Variants in HPSE2 observed in about 807,000 individuals in gnomAD.
HPSE2 encodes heparanase 2 (inactive), also known as inactive heparanase-2.
HPSE2 carries 38 observed loss-of-function variants against 60.5 expected under a neutral mutation model. That is an observed-to-expected ratio of 0.63 (90% CI 0.48 to 0.82). HPSE2 has a LOEUF of 0.82. HPSE2 is among the 40% of genes least tolerant of loss of function. The pLI, the probability that HPSE2 is intolerant of heterozygous loss-of-function variation, is 0.00. For missense variants in HPSE2, 713 were observed against 740.4 expected (o/e 0.96, Z 0.43); for synonymous variants, 295 against 293.2 (o/e 1.01, Z -0.06).
intron 3 of HPSE2, among the ~76,000 whole-genome samples, chr10:98,763,691 TGAAA>T (rs1405054462): frequency 6.6e-6 from 1 of 151,504 alleles, no homozygotes; most frequent in Admixed American, 6.6e-5. Flanking sequence ...CAGAAGAAAG[TGAAA>T]TATCTTCAAA....
chr10:98,768,897 A>G (rs1361087765), intron 3 of HPSE2, among the ~76,000 whole-genome samples: 1 of 152,126 alleles, frequency 6.6e-6, no homozygotes, highest in East Asian at 1.9e-4. Flanking sequence ...CTAAAAATAC[A>G]AAAATTAGCC....
chr10:98,933,282 G>T (rs1414710301), intron 3 of HPSE2, among the ~76,000 whole-genome samples: 3 of 144,064 alleles, frequency 2.1e-5, no homozygotes, highest in Non-Finnish European at 4.5e-5. Context: ...TTTTGAGTGG[G>T]CTTTTTAATC....
At chr10:98,729,804 T>C (rs1463030656) in intron 4 of HPSE2, among the ~76,000 whole-genome samples, 1 of 152,000 alleles carries the variant, frequency 6.6e-6, no homozygotes, top group Non-Finnish European at 1.5e-5. Flanking sequence ...ATCAGGAAGA[T>C]ATAACAATTA....
chr10:98,929,697 TAAAG>T lies in HPSE2; in HGVS notation c.611-185645_611-185642del, dbSNP rs765123485. ...ATATTCATATTTGCTTCTATTTCGA[TAAAG>T]AAAGTCTAGAACAGACATCAGCAAT... is the stretch of plus-strand genomic sequence containing the variant. On this transcript the variant is annotated intron_variant, in intron 3 of 11. Coordinates refer to ENST00000370552, the MANE Select transcript of HPSE2 (RefSeq NM_021828.5). Among the ~76,000 whole-genome samples, 56 of 143,946 alleles carry T rather than the reference TAAAG, an allele frequency of 3.9e-4. 4 individuals are homozygous for T. Among genetic ancestry groups the T allele is most frequent in the Admixed American group, 7.6e-4 (11 of 14,442 alleles). The allele number at this position is 143,946 out of a possible 152,430, so 94.4% of individuals were successfully genotyped here.
rs60117848 is a variant in HPSE2 at position 99,136,525 on chromosome 10, C to G, written c.610+7713G>C. 6.6e-5 allele frequency among the ~76,000 whole-genome samples: 10 copies of G among 152,252 alleles called. 1 individual carries two copies. The South Asian group carries it at 1.9e-3, about 28-fold the overall frequency. On this transcript the variant is annotated intron_variant, in intron 3 of 11. Coordinates refer to ENST00000370552, the MANE Select transcript of HPSE2 (RefSeq NM_021828.5). ...TGGCAAACCGAATCCAGCAGCACAT[C>G]CAAAAGCTTATCCACCACGATCAAG...
At chr10:99,115,557 A>G (rs1413621764) in intron 3 of HPSE2, among the ~76,000 whole-genome samples, 2 of 152,036 alleles carry the variant, frequency 1.3e-5, no homozygotes, top group Non-Finnish European at 2.9e-5. Flanking sequence ...GGCCTCCCAA[A>G]GAATCTGGAT....
At chr10:98,610,921 C>G (rs1182119016) in intron 9 of HPSE2, among the ~76,000 whole-genome samples, 1 of 152,202 alleles carries the variant, frequency 6.6e-6, no homozygotes, top group Non-Finnish European at 1.5e-5. Flanking sequence ...AAAAAAGCAG[C>G]AAGCTAAATT....
chr10:98,933,702 A>G lies in HPSE2; in HGVS notation c.611-189646T>C, dbSNP rs368365835. On this transcript the variant is annotated intron_variant, in intron 3 of 11. Coordinates refer to ENST00000370552, the MANE Select transcript of HPSE2 (RefSeq NM_021828.5). The stretch of plus-strand genomic sequence containing the variant: ...GTGTTGAATTGAACACTTTAACATT[A>G]TGTAATGCCCTTCATTGCCTTTTTC... 5.7e-5 allele frequency among the ~76,000 whole-genome samples: 8 copies of G among 141,372 alleles called. 1 individual carries two copies. Among genetic ancestry groups the G allele is most frequent in the African/African-American group, 8.8e-5 (3 of 34,218 alleles). 92.7% of individuals were successfully genotyped at this position (141,372 alleles called of 152,430 possible).
rs145254866 is a variant in HPSE2, at chr10:99,170,788, G to A, written c.449-26389C>T. On this transcript the variant is annotated intron_variant, in intron 2 of 11. Transcript: ENST00000370552. ...CAAAAGTGCTAAATAAAAGGACTGA[G>A]TACAGTCCGCCCTCTGTATCCATGA... Among the ~76,000 whole-genome samples, 82 of 152,328 alleles carry A rather than the reference G, an allele frequency of 5.4e-4. No homozygotes were observed. In the East Asian group the frequency reaches 0.014, roughly 27 times the overall value.
intron 3 of HPSE2, among the ~76,000 whole-genome samples, chr10:98,868,487 A>G (rs1453629366): frequency 6.6e-6 from 1 of 152,106 alleles, no homozygotes; most frequent in Non-Finnish European, 1.5e-5. Context: ...TACATTTAAA[A>G]ATAACTAAGA....
chr10:99,220,620 T>C (rs1849276251), intron 2 of HPSE2, among the ~76,000 whole-genome samples: 1 of 151,886 alleles, frequency 6.6e-6, no homozygotes, highest in African/African-American at 2.4e-5. Context: ...CTGGCCAACA[T>C]GGTGAAACCC....
the HPSE2 span, among the ~76,000 whole-genome samples, chr10:99,275,458 T>C: frequency 6.8e-6 from 1 of 147,822 alleles, no homozygotes; most frequent in Non-Finnish European, 1.5e-5. Context: ...CTGAAGGGAA[T>C]ATTACTAATA....
intron 6 of HPSE2, among the ~76,000 whole-genome samples, chr10:98,687,984 C>T (rs1947961214): frequency 6.6e-6 from 1 of 152,002 alleles, no homozygotes; most frequent in South Asian, 2.1e-4. Context: ...TATCATTTTG[C>T]TATTTGATTT....
intron 9 of HPSE2, among the ~76,000 whole-genome samples, chr10:98,538,929 T>C (rs1043533378): frequency 6.6e-6 from 1 of 152,172 alleles, no homozygotes; most frequent in African/African-American, 2.4e-5. Flanking sequence ...AGCCAATGGA[T>C]TCATGTGTAT....
At chr10:99,211,971 A>G (rs772737541) in intron 2 of HPSE2, among the ~76,000 whole-genome samples, 29 of 152,174 alleles carry the variant, frequency 1.9e-4, no homozygotes, top group Admixed American at 9.2e-4. Flanking sequence ...TTAATATTCA[A>G]AATATATAAA....
At chr10:98,820,345 C>G (rs1252330) in intron 3 of HPSE2, among the ~76,000 whole-genome samples, 7,528 of 152,188 alleles carry the variant, frequency 0.049, 581 homozygotes, top group African/African-American at 0.17. Context: ...AGGACCATGT[C>G]AAACATTTGG....
At chr10:99,292,145 G>C in the HPSE2 span, among the ~76,000 whole-genome samples, 4 of 152,156 alleles carry the variant, frequency 2.6e-5, no homozygotes, top group East Asian at 7.7e-4. Flanking sequence ...AAGTAGAAGA[G>C]TATGAAGGGA....
chr10:98,725,245 T>A (rs7068259), intron 4 of HPSE2, among the ~76,000 whole-genome samples: 5,854 of 151,940 alleles, frequency 0.039, 180 homozygotes, highest in East Asian at 0.12. Flanking sequence ...ACTATACTAC[T>A]AGGCTACAGT....
intron 7 of HPSE2, among the ~76,000 whole-genome samples, chr10:98,633,510 G>A (rs1946419382): frequency 1.3e-5 from 2 of 152,236 alleles, no homozygotes; most frequent in African/African-American, 2.4e-5. Context: ...GCCACGCCCA[G>A]CCCATGATTT....
Sources: allele counts gnomAD v4.1 joint callset (sites outside exome capture counted in the v4.1 genomes callset), GRCh38; gene constraint gnomAD v4.1.1; transcripts MANE v1.5; gene names NCBI Gene and HGNC (gene_info 2026-07-23, HGNC 2026-07-21).